The following KDM4C variants were observed in gnomAD, a reference collection of about 807,000 sequenced individuals.
KDM4C encodes the protein lysine-specific demethylase 4C.
A neutral mutation model predicts 129.3 loss-of-function variants in KDM4C; 81 were observed. The observed-to-expected ratio is 0.63, with a 90% CI of 0.52 to 0.75. KDM4C has a LOEUF of 0.75. Ranked by LOEUF, KDM4C falls within the 30% of genes least tolerant of loss-of-function variation. The probability of loss-of-function intolerance (pLI) is 0.00; values close to 1 mark genes in which losing one functional copy is unlikely to be tolerated. For missense variants in KDM4C, 1,457 were observed against 1,304.0 expected (o/e 1.12, Z -1.81); for synonymous variants, 573 against 456.1 (o/e 1.26, Z -3.26).
intron 8 of KDM4C, among the ~76,000 whole-genome samples, chr9:6,901,921 A>G (rs1817478124): frequency 6.6e-6 from 1 of 152,190 alleles, no homozygotes; most frequent in South Asian, 2.1e-4. Context: ...GAACATTATA[A>G]GTATGGACCC....
chr9:6,849,712 G>C lies in KDM4C; in HGVS notation c.629+12G>C. 1 of 1,533,020 alleles carries C rather than the reference G, an allele frequency of 6.5e-7. No homozygotes were observed. The highest frequency in any genetic ancestry group is 8.8e-7 in the Non-Finnish European group (1 of 1,130,856). The allele number at this position is 1,533,020 out of a possible 1,614,324, so 95.0% of individuals were successfully genotyped here. A position where few individuals can be genotyped will look rare whatever the true frequency, so the allele number is the denominator to read the frequency against. On this transcript the variant is annotated intron_variant, in intron 5 of 21. Coordinates refer to ENST00000381309, the MANE Select transcript of KDM4C (RefSeq NM_015061.6). ...GAGCCCAAGTCTTGGCAAGTTACTT[G>C]TTTAATATTCATTTACTTTGGAGTT...
chr9:6,949,766 G>A (rs747709291), intron 8 of KDM4C, among the ~76,000 whole-genome samples: 7 of 152,252 alleles, frequency 4.6e-5, no homozygotes, highest in Admixed American at 6.5e-5. Flanking sequence ...CAGGCAGGGA[G>A]GTTGCAGTGA....
At chr9:6,762,274 G>A (rs917122594) in intron 1 of KDM4C, among the ~76,000 whole-genome samples, 1 of 151,700 alleles carries the variant, frequency 6.6e-6, no homozygotes, top group Admixed American at 6.6e-5. Flanking sequence ...ACAGGCCCTG[G>A]TGTGTGATGT....
chr9:6,759,394 T>A (rs1818932738), intron 1 of KDM4C, among the ~76,000 whole-genome samples: 1 of 152,200 alleles, frequency 6.6e-6, no homozygotes, highest in African/African-American at 2.4e-5. Flanking sequence ...TAAAGGTCCA[T>A]TTTTTATTAG....
At chr9:6,910,427 C>T (rs1403123167) in intron 8 of KDM4C, among the ~76,000 whole-genome samples, 1 of 152,090 alleles carries the variant, frequency 6.6e-6, no homozygotes, top group Non-Finnish European at 1.5e-5. Flanking sequence ...CTGAGAGGCA[C>T]AATTGTGGGT....
intron 18 of KDM4C, among the ~76,000 whole-genome samples, chr9:7,113,239 A>G (rs1157452244): frequency 1.3e-5 from 2 of 152,186 alleles, no homozygotes; most frequent in South Asian, 4.1e-4. Context: ...CTTTCTATCA[A>G]TAGAAGGGTT....
In KDM4C at chr9:6,887,465, T is replaced by G. The variant is rs566768281; in HGVS notation, c.680-495T>G. ...TTCAGGAGATTAGTAGCAATTAGTT[T>G]CAGATTAATCAGAAAAGAAACAGAA... On this transcript the variant is annotated intron_variant, in intron 6 of 21. Coordinates refer to ENST00000381309, the MANE Select transcript of KDM4C (RefSeq NM_015061.6). Among the ~76,000 whole-genome samples the G allele has an allele frequency of 2.0e-5, 3 of 152,316 alleles. No homozygotes were observed. The East Asian group carries it at 5.8e-4, about 29-fold the overall frequency.
At chr9:6,992,508 A>G (rs1818938090) in intron 12 of KDM4C, among the ~76,000 whole-genome samples, 1 of 152,168 alleles carries the variant, frequency 6.6e-6, no homozygotes, top group African/African-American at 2.4e-5. Context: ...AAATCAGAGA[A>G]GTTTTGTGAT....
At chr9:6,949,696 G>A (rs1827750822) in intron 8 of KDM4C, among the ~76,000 whole-genome samples, 1 of 152,198 alleles carries the variant, frequency 6.6e-6, no homozygotes, top group African/African-American at 2.4e-5. Context: ...ACGAAAACCA[G>A]TCAGGCGTGG....
intron 17 of KDM4C, chr9:7,076,897 C>T: frequency 2.0e-6 from 2 of 989,174 alleles, no homozygotes; most frequent in South Asian, 9.3e-5. Context: ...AGGTTGTCTC[C>T]TGTAGCATGG....
intron 12 of KDM4C, among the ~76,000 whole-genome samples, chr9:7,005,068 AG>A (rs1160328335): frequency 2.0e-5 from 3 of 152,186 alleles, no homozygotes; most frequent in African/African-American, 7.2e-5. Flanking sequence ...CACCACTAGA[AG>A]GTAGTTGACA....
chr9:7,009,467 C>T (rs754449411), intron 12 of KDM4C, among the ~76,000 whole-genome samples: 1 of 150,990 alleles, frequency 6.6e-6, no homozygotes, highest in African/African-American at 2.4e-5. Context: ...CTTTTTTTTT[C>T]ACAGATTTAA....
At chr9:6,740,750 C>T (rs765938640) in intron 1 of KDM4C, among the ~76,000 whole-genome samples, 3 of 144,594 alleles carry the variant, frequency 2.1e-5, no homozygotes, top group South Asian at 2.2e-4. Context: ...AACTCCTGAC[C>T]CCAAGTGATT....
intron 13 of KDM4C, among the ~76,000 whole-genome samples, chr9:7,012,638 C>T (rs193255814): frequency 6.6e-5 from 10 of 152,138 alleles, no homozygotes; most frequent in African/African-American, 1.7e-4. Context: ...GCTGGCTGTG[C>T]GTGATGTTGT....
chr9:7,115,859 C>T (rs1838839452), intron 18 of KDM4C, among the ~76,000 whole-genome samples: 1 of 152,196 alleles, frequency 6.6e-6, no homozygotes, highest in Non-Finnish European at 1.5e-5. Flanking sequence ...TTGGAGCATC[C>T]TGGGCTCTGC....
intron 15 of KDM4C, among the ~76,000 whole-genome samples, chr9:7,032,698 C>G (rs1465196261): frequency 6.6e-6 from 1 of 152,194 alleles, no homozygotes; most frequent in Non-Finnish European, 1.5e-5. Context: ...CCTAAGAGAA[C>G]CAGGATGCCA....
At chr9:7,106,301 A>G (rs756010816) in intron 18 of KDM4C, among the ~76,000 whole-genome samples, 1 of 152,250 alleles carries the variant, frequency 6.6e-6, no homozygotes, top group East Asian at 1.9e-4. Context: ...TAAACTATCA[A>G]TGCTAAGAGG....
chr9:6,785,867 G>T (rs1474034725), intron 1 of KDM4C, among the ~76,000 whole-genome samples: 1 of 152,200 alleles, frequency 6.6e-6, no homozygotes, highest in Non-Finnish European at 1.5e-5. Flanking sequence ...CTCCTGTGAG[G>T]CCACACCCAG....
At chr9:7,013,668 C>A in intron 13 of KDM4C, 120 bp from the exon 14 acceptor site, 1 of 905,102 alleles carries the variant, frequency 1.1e-6, no homozygotes, top group Non-Finnish European at 1.7e-6. Context: ...TCAAGGAGAA[C>A]AACAGGAAGA....
Sources: gnomAD v4.1 joint callset for allele counts (sites outside exome capture counted in the v4.1 genomes callset) on GRCh38, gnomAD v4.1.1 for gene constraint, MANE v1.5 for transcripts, NCBI Gene and HGNC (gene_info 2026-07-23, HGNC 2026-07-21) for gene names.